Variants in NEBL observed in about 807,000 individuals in gnomAD.
NEBL encodes nebulette.
NEBL carries 122 observed loss-of-function variants against 140.2 expected under a neutral mutation model. That is an observed-to-expected ratio of 0.87 (90% CI 0.75 to 1.01). NEBL has a LOEUF of 1.01. Ranked by LOEUF, NEBL falls within the 50% of genes least tolerant of loss-of-function variation. NEBL has a pLI of 0.00. For missense variants in NEBL, 1,365 were observed against 1,231.3 expected, an observed-to-expected ratio of 1.11 and a Z score of -1.62; for synonymous variants, 436 against 398.9, an observed-to-expected ratio of 1.09 and a Z score of -1.11.
In NEBL at chr10:21,014,154, C is replaced by T. The variant is rs528095908; in HGVS notation, c.249+5963G>A. ...TAATATTATTTTAGATTTAGGGTCT[C>T]ACTCTGTCACCCAGGCTGGAGTGCA... On this transcript the variant is annotated intron_variant, in intron 3 of 6. Coordinates refer to the NEBL transcript ENST00000417816. Among the ~76,000 whole-genome samples, 4 of 152,152 alleles carry T rather than the reference C, an allele frequency of 2.6e-5. No individual in the cohort carries two copies. The East Asian group carries it at 7.7e-4, about 29-fold the overall frequency.
intron 2 of NEBL, among the ~76,000 whole-genome samples, chr10:20,891,055 A>G (rs942009724): frequency 7.9e-5 from 12 of 152,216 alleles, no homozygotes; most frequent in African/African-American, 2.9e-4. Flanking sequence ...TTCTTAGAGG[A>G]TGTGAATAAT....
intron 2 of NEBL, among the ~76,000 whole-genome samples, chr10:21,134,019 G>A (rs1049953327): frequency 3.3e-5 from 5 of 152,152 alleles, no homozygotes; most frequent in African/African-American, 9.6e-5. Context: ...TGGATGTCAG[G>A]AGTTCGAGGT....
chr10:20,951,925 C>T (rs759749288), intron 4 of NEBL, among the ~76,000 whole-genome samples: 9 of 152,148 alleles, frequency 5.9e-5, no homozygotes, highest in Non-Finnish European at 1.0e-4. Flanking sequence ...TTCCCTGTGT[C>T]CTGGAAATTT....
chr10:20,870,161 T>C (rs1259564635), intron 5 of NEBL, among the ~76,000 whole-genome samples: 2 of 151,464 alleles, frequency 1.3e-5, no homozygotes, highest in Non-Finnish European at 2.9e-5. Context: ...ACCCCATCTC[T>C]ACTAAAAATA....
intron 1 of NEBL, 27 bp downstream of exon 1, chr10:20,897,098 G>A (rs779858976): frequency 6.3e-7 from 1 of 1,587,242 alleles, no homozygotes; most frequent in Non-Finnish European, 8.7e-7. Flanking sequence ...AACAAACGCT[G>A]GTCTGAGTAT....
intron 2 of NEBL, among the ~76,000 whole-genome samples, chr10:21,034,646 T>C (rs1309669146): frequency 5.3e-5 from 8 of 152,244 alleles, no homozygotes; most frequent in Admixed American, 2.6e-4. Context: ...TAAAGAACTG[T>C]CCTTGGGGAG....
chr10:21,198,999 TTTTTA>T (rs975431450), intron 3 of NEBL, among the ~76,000 whole-genome samples: 11 of 151,684 alleles, frequency 7.3e-5, no homozygotes, highest in Admixed American at 2.6e-4. Flanking sequence ...TTTATTTTTA[TTTTTA>T]TTTTATTTAT....
rs571563897 is a variant in NEBL, at chr10:20,868,690, C to T, written c.658G>A (p.Val220Met). ...TGACTAGAAAGTTTAGAAGCTTCCACGGCATGTTCAAAATCTGGTCTTCCA... is the reference window on the plus strand; with the variant it reads ...TGACTAGAAAGTTTAGAAGCTTCCATGGCATGTTCAAAATCTGGTCTTCCA... ...VIGRPDFEHAVEASKLSSQIK... is the reference protein window; with the variant it reads ...VIGRPDFEHAMEASKLSSQIK... The change falls in exon 7 of 28, where the codon GTG becomes ATG. Residue 220 changes from valine (V) to methionine (M), a missense_variant. Transcript: ENST00000377122. 90 of 1,611,502 alleles carry T rather than the reference C, an allele frequency of 5.6e-5. No individual in the cohort carries two copies. The highest frequency in any genetic ancestry group is 6.9e-5 in the Non-Finnish European group (81 of 1,177,786).
intron 2 of NEBL, among the ~76,000 whole-genome samples, chr10:21,135,428 T>C (rs1446409056): frequency 6.7e-6 from 1 of 150,284 alleles, no homozygotes; most frequent in Non-Finnish European, 1.5e-5. Context: ...ACAGCCTCAG[T>C]GGAGATAAAA....
rs1330771963 is a variant in NEBL at position 20,992,592 on chromosome 10, A to G, written c.249+27525T>C. On this transcript the variant is annotated intron_variant, in intron 3 of 6. Coordinates refer to the NEBL transcript ENST00000417816. ...AGCAGATTTAATAGGGTCCTTGCTG[A>G]CGGTCACTATGCACTTTGAGAGCCC... Among the ~76,000 whole-genome samples, 3 of 152,002 alleles carry G rather than the reference A, an allele frequency of 2.0e-5. No individual in the cohort carries two copies. The East Asian group carries it at 5.8e-4, about 29-fold the overall frequency.
intron 3 of NEBL, among the ~76,000 whole-genome samples, chr10:21,200,452 T>C (rs1841716830): frequency 6.6e-6 from 1 of 151,536 alleles, no homozygotes; most frequent in Non-Finnish European, 1.5e-5. Flanking sequence ...TAGCTGGGAC[T>C]ACAGGTGCAC....
At chr10:20,808,417 G>A (rs1837807246) in intron 26 of NEBL, 93 bp downstream of exon 26, 1 of 1,281,760 alleles carries the variant, frequency 7.8e-7, no homozygotes, top group Non-Finnish European at 1.1e-6. Context: ...CAGGATAGAT[G>A]TTCATGCAAA....
At chr10:20,798,490 A>G (rs1232673211) in intron 26 of NEBL, among the ~76,000 whole-genome samples, 3 of 152,242 alleles carry the variant, frequency 2.0e-5, no homozygotes, top group Non-Finnish European at 4.4e-5. Context: ...TGTTCAGTCT[A>G]TGATCCAACT....
intron 3 of NEBL, among the ~76,000 whole-genome samples, chr10:20,972,404 GA>G (rs1473859462): frequency 1.3e-5 from 2 of 151,904 alleles, no homozygotes; most frequent in African/African-American, 2.4e-5. Context: ...GAAAAAAGAA[GA>G]AAAAAACTCT....
rs998285003 is a variant in NEBL, at chr10:21,196,800, A to G, written n.349-24323T>C. On this transcript the variant is annotated intron_variant and non_coding_transcript_variant, in intron 3 of 8. Coordinates refer to the NEBL transcript ENST00000675702. ...GACAAAAAAATAGTTTTAACCACTCATTGGTATCACTTTGACCCAGTCTAT... is the reference window on the plus strand; with the variant it reads ...GACAAAAAAATAGTTTTAACCACTCGTTGGTATCACTTTGACCCAGTCTAT... Among the ~76,000 whole-genome samples, 105 of 152,344 alleles carry G rather than the reference A, an allele frequency of 6.9e-4. 2 individuals are homozygous for G. The highest frequency in any genetic ancestry group is 1.5e-5 in the Non-Finnish European group (1 of 68,026).
At chr10:21,286,410 G>A (rs1843055828) in intron 1 of NEBL, among the ~76,000 whole-genome samples, 1 of 152,192 alleles carries the variant, frequency 6.6e-6, no homozygotes, top group Non-Finnish European at 1.5e-5. Context: ...TGTCTCCATT[G>A]ATATCCTATC....
In NEBL at chr10:21,155,062, G is replaced by A. The variant is rs552833985; in HGVS notation, c.164+17321C>T. Among the ~76,000 whole-genome samples the A allele has an allele frequency of 5.9e-5, 9 of 152,268 alleles. No homozygotes were observed. The Middle Eastern group carries it at 0.01, about 173-fold the overall frequency. ...ACAAATACAAAAATTAGCCAGGGGT[G>A]ATGGTGCACACCTGTAATCCCAGCT... On this transcript the variant is annotated intron_variant, in intron 2 of 6. Coordinates refer to the NEBL transcript ENST00000417816.
intron 4 of NEBL, among the ~76,000 whole-genome samples, chr10:20,952,294 G>A (rs1046971057): frequency 1.5e-4 from 23 of 151,960 alleles, no homozygotes; most frequent in African/African-American, 5.3e-4. Context: ...AAAATTAGCT[G>A]GGCGTGGTGC....
chr10:21,185,494 T>C (rs1841451033), intron 3 of NEBL, among the ~76,000 whole-genome samples: 5 of 131,012 alleles, frequency 3.8e-5, no homozygotes, highest in African/African-American at 1.5e-4. Context: ...TTCCTTTTTT[T>C]TTTTTTTTTT....
Sources: gnomAD v4.1 joint callset for allele counts (sites outside exome capture counted in the v4.1 genomes callset) on GRCh38, gnomAD v4.1.1 for gene constraint, MANE v1.5 for transcripts, NCBI Gene and HGNC (gene_info 2026-07-23, HGNC 2026-07-21) for gene names.